Variants in DAD1 observed in about 807,000 individuals in gnomAD.
DAD1 encodes dolichyl-diphosphooligosaccharide--protein glycosyltransferase subunit DAD1.
In DAD1, 4 loss-of-function variants were observed where a neutral mutation model predicts 9.0. The ratio of observed to expected loss-of-function variants is 0.44; its 90% confidence interval spans 0.22 to 1.01. DAD1 has a LOEUF of 1.01. Among genes scored for constraint, DAD1 ranks in the 50% least tolerant of loss-of-function variants. The probability of loss-of-function intolerance (pLI) is 0.24; values close to 1 mark genes in which losing one functional copy is unlikely to be tolerated. For missense variants in DAD1, 119 were observed against 137.3 expected (o/e 0.87, Z 0.67); for synonymous variants, 60 against 62.5 (o/e 0.96, Z 0.19).
chr14:22,583,113 G>A (rs576680210), intron 1 of DAD1, among the ~76,000 whole-genome samples: 1 of 152,198 alleles, frequency 6.6e-6, no homozygotes, highest in African/African-American at 2.4e-5. Context: ...TAAGTTCAAG[G>A]TACATATCAG....
intron 2 of DAD1, among the ~76,000 whole-genome samples, chr14:22,571,385 T>C (rs941827724): frequency 1.3e-5 from 2 of 151,242 alleles, no homozygotes; most frequent in Non-Finnish European, 2.9e-5. Context: ...AGTATATACA[T>C]TTTTAAATAC....
rs192817482 is a variant in DAD1, at chr14:22,578,965, C to G, written c.212-3732G>C. ...GCACTTGAGGCAACAACAAAGGGTC[C>G]GGGCTGAATGATAAAAAGTTATAAA... On this transcript the variant is annotated intron_variant, in intron 1 of 2. Transcript: ENST00000250498. 8.0e-4 allele frequency among the ~76,000 whole-genome samples: 121 copies of G among 152,162 alleles called. 1 individual carries two copies. Among genetic ancestry groups the G allele is most frequent in the African/African-American group, 2.6e-3 (109 of 41,488 alleles).
chr14:22,584,263 A>G (rs1187478975), intron 1 of DAD1, among the ~76,000 whole-genome samples: 1 of 152,140 alleles, frequency 6.6e-6, no homozygotes, highest in African/African-American at 2.4e-5. Flanking sequence ...GGATGGAGAG[A>G]TGAGAAGACA....
At chr14:22,573,731 GAAAAGA>G in intron 2 of DAD1, among the ~76,000 whole-genome samples, 1 of 117,868 alleles carries the variant, frequency 8.5e-6, no homozygotes, top group African/African-American at 3.4e-5. Context: ...AAAAAAAACA[GAAAAGA>G]AAAAAAAAAA....
intron 1 of DAD1, among the ~76,000 whole-genome samples, chr14:22,586,828 G>A (rs1034675110): frequency 5.3e-5 from 8 of 152,204 alleles, no homozygotes; most frequent in African/African-American, 1.9e-4. Context: ...CAGGATTTAG[G>A]AAAGTCAATG....
At chr14:22,577,781 G>C (rs757366303) in intron 1 of DAD1, among the ~76,000 whole-genome samples, 2 of 152,214 alleles carry the variant, frequency 1.3e-5, no homozygotes, top group Non-Finnish European at 2.9e-5. Flanking sequence ...TGACAGAGAG[G>C]AGGATGAGGA....
At chr14:22,578,756 C>T (rs1287246239) in intron 1 of DAD1, among the ~76,000 whole-genome samples, 1 of 151,950 alleles carries the variant, frequency 6.6e-6, no homozygotes, top group Admixed American at 6.6e-5. Context: ...TAGACAGGTA[C>T]ATTTAAAAAT....
At chr14:22,569,258 C>A (rs2037021807) in intron 2 of DAD1, among the ~76,000 whole-genome samples, 1 of 142,482 alleles carries the variant, frequency 7.0e-6, no homozygotes, top group Non-Finnish European at 1.6e-5. Flanking sequence ...CATGGTGAAA[C>A]CATGTCTCTC....
At position 22,577,696 on chromosome 14, in the gene DAD1, T is replaced by C. The variant is rs5742778; in HGVS notation, c.212-2463A>G. 3.5e-4 allele frequency among the ~76,000 whole-genome samples: 54 copies of C among 152,302 alleles called. No individual in the cohort carries two copies. In the East Asian group the frequency reaches 0.01, roughly 28 times the overall value. On this transcript the variant is annotated intron_variant, in intron 1 of 2. Coordinates refer to ENST00000250498, the MANE Select transcript of DAD1 (RefSeq NM_001344.4). ...AGCCATGACAAAGGGACAAATACCA[T>C]GTGGTTTCACTTATATGACATCAAG...
chr14:22,581,460 C>T (rs938939311), intron 1 of DAD1, among the ~76,000 whole-genome samples: 4 of 152,012 alleles, frequency 2.6e-5, no homozygotes, highest in Admixed American at 6.6e-5. Flanking sequence ...CAAGGACAGA[C>T]GCCAGGCATG....
rs114307678 is a variant in DAD1, at chr14:22,584,403, G to C, written c.211+4544C>G. 3.1e-3 allele frequency among the ~76,000 whole-genome samples: 474 copies of C among 152,152 alleles called. 4 individuals carry two copies. Among genetic ancestry groups the C allele is most frequent in the African/African-American group, 0.011 (454 of 41,478 alleles). On this transcript the variant is annotated intron_variant, in intron 1 of 2. Coordinates refer to ENST00000250498, the MANE Select transcript of DAD1 (RefSeq NM_001344.4). ...ACAGAGGAAAGACCTCAATCTGCTG[G>C]AGAGTCAGGGAAGGGTTCCAAAGGG...
chr14:22,568,565 T>C (rs2037016326), intron 2 of DAD1, among the ~76,000 whole-genome samples: 1 of 152,148 alleles, frequency 6.6e-6, no homozygotes. Flanking sequence ...GCATTAACAG[T>C]GGCAAGAGAC....
intron 1 of DAD1, among the ~76,000 whole-genome samples, chr14:22,578,632 C>T (rs992886700): frequency 6.6e-6 from 1 of 152,134 alleles, no homozygotes; most frequent in Non-Finnish European, 1.5e-5. Context: ...CTTGGTAAAA[C>T]CAATCTATGG....
intron 2 of DAD1, among the ~76,000 whole-genome samples, chr14:22,572,126 C>A (rs2037045548): frequency 6.6e-6 from 1 of 152,090 alleles, no homozygotes; most frequent in Admixed American, 6.5e-5. Context: ...ATGCCATTTT[C>A]TTTTGACCTG....
chr14:22,577,860 A>G (rs554365623), intron 1 of DAD1, among the ~76,000 whole-genome samples: 3 of 152,328 alleles, frequency 2.0e-5, no homozygotes, highest in African/African-American at 7.2e-5. Flanking sequence ...GATAGTGATG[A>G]TGATTTTACA....
chr14:22,586,074 C>T (rs1681579), intron 1 of DAD1, among the ~76,000 whole-genome samples: 12,265 of 152,064 alleles, frequency 0.081, 652 homozygotes, highest in Admixed American at 0.14. Context: ...GACGTGGTGG[C>T]AGGCGCCTGC....
Position 22,589,161 on chromosome 14 carries a change from T to G in DAD1, c.-4A>C. Reference sequence around the variant, plus strand: ...CAGACACTACCGACGCCGACATAACTGCACGCAAGGTACTCCGGTCCGCGC... The same window carrying G: ...CAGACACTACCGACGCCGACATAACGGCACGCAAGGTACTCCGGTCCGCGC... On this transcript the variant is annotated 5_prime_UTR_variant, in exon 1 of 3. Coordinates refer to ENST00000250498, the MANE Select transcript of DAD1 (RefSeq NM_001344.4). 3 of 1,614,156 alleles carry G rather than the reference T, an allele frequency of 1.9e-6. No individual in the cohort carries two copies. The highest frequency in any genetic ancestry group is 2.5e-6 in the Non-Finnish European group (3 of 1,179,994).
chr14:22,575,263 A>G, intron 1 of DAD1, 30 bp from the exon 2 acceptor site: 2 of 1,611,356 alleles, frequency 1.2e-6, no homozygotes, highest in African/African-American at 2.7e-5. Flanking sequence ...CAAAAAAATG[A>G]TTATATAGAA....
At chr14:22,586,446 G>A (rs1339081170) in intron 1 of DAD1, among the ~76,000 whole-genome samples, 2 of 152,166 alleles carry the variant, frequency 1.3e-5, no homozygotes, top group Non-Finnish European at 1.5e-5. Context: ...TTCGGAGGCT[G>A]AGGCAGGAGA....
Sources: gnomAD v4.1 joint callset for allele counts (sites outside exome capture counted in the v4.1 genomes callset) on GRCh38, gnomAD v4.1.1 for gene constraint, MANE v1.5 for transcripts, NCBI Gene and HGNC (gene_info 2026-07-23, HGNC 2026-07-21) for gene names.